Variants in FBLN7 observed in about 807,000 individuals in gnomAD.
The protein encoded by FBLN7 is fibulin-7.
FBLN7 carries 31 observed loss-of-function variants against 44.0 expected under a neutral mutation model. The ratio of observed to expected loss-of-function variants is 0.70; its 90% CI spans 0.53 to 0.95. The LOEUF (loss-of-function observed/expected upper bound fraction) is 0.95. Ranked by LOEUF, FBLN7 falls within the 40% of genes least tolerant of loss-of-function variation. The pLI, the probability that FBLN7 is intolerant of heterozygous loss-of-function variation, is 0.00. For synonymous variants in FBLN7, 262 were observed against 253.4 expected (o/e 1.03, Z -0.32); for missense variants, 573 against 618.5 (o/e 0.93, Z 0.78).
the FBLN7 span, among the ~76,000 whole-genome samples, chr2:112,224,557 T>C: frequency 6.6e-6 from 1 of 152,200 alleles, no homozygotes; most frequent in African/African-American, 2.4e-5. Flanking sequence ...TGAACATAAA[T>C]GTTCGCTGAA....
At position 112,165,113 on chromosome 2, in the gene FBLN7, C is replaced by A. The variant is rs767227430; in HGVS notation, c.348C>A (p.Pro116=). 1 of 1,614,210 alleles carries A rather than the reference C, an allele frequency of 6.2e-7. No homozygotes were observed. Among genetic ancestry groups the A allele is most frequent in the African/African-American group, 1.3e-5 (1 of 75,044 alleles). Residue 116 remains proline (P), a synonymous_variant, in exon 3 of 8, where the codon CCC becomes CCA. Coordinates refer to ENST00000331203, the MANE Select transcript of FBLN7 (RefSeq NM_153214.3). ...TCNPGFRLVG[P]SSVVCLPNGT... ...ACCCTGGGTTCCGGCTGGTCGGGCCCAGCAGCGTGGTGTGTCTTCCCAATG... is the reference window on the plus strand; with the variant it reads ...ACCCTGGGTTCCGGCTGGTCGGGCCAAGCAGCGTGGTGTGTCTTCCCAATG...
intron 3 of FBLN7, among the ~76,000 whole-genome samples, chr2:112,171,530 C>T (rs1682458979): frequency 6.6e-6 from 1 of 151,788 alleles, no homozygotes; most frequent in Non-Finnish European, 1.5e-5. Flanking sequence ...GTAGAAAGAG[C>T]TGCCTTTTAA....
At chr2:112,172,600 T>A (rs1292002381) in intron 3 of FBLN7, among the ~76,000 whole-genome samples, 1 of 151,580 alleles carries the variant, frequency 6.6e-6, no homozygotes. Flanking sequence ...TTTTCTCAGG[T>A]ATGGAATTCA....
chr2:112,211,405 G>A, the FBLN7 span: 5 of 152,114 alleles, frequency 3.3e-5, no homozygotes, highest in African/African-American at 7.2e-5. Flanking sequence ...GGAATCTTGG[G>A]AGCCATCTTA....
the FBLN7 span, among the ~76,000 whole-genome samples, chr2:112,230,519 G>A: frequency 1.3e-5 from 2 of 152,092 alleles, no homozygotes; most frequent in Non-Finnish European, 2.9e-5. Flanking sequence ...AAAAATGAAT[G>A]ACAGCTGCAT....
At chr2:112,192,001 A>C (rs977774437), downstream of FBLN7, among the ~76,000 whole-genome samples, 1 of 152,206 alleles carries the variant, frequency 6.6e-6, no homozygotes, top group African/African-American at 2.4e-5. Context: ...TAAACAAATG[A>C]TAAATGATAG....
chr2:112,198,627 T>C, the FBLN7 span, among the ~76,000 whole-genome samples: 5 of 134,350 alleles, frequency 3.7e-5, no homozygotes, highest in African/African-American at 9.2e-5. Context: ...CAGAGTGAGA[T>C]TGTCTCAAAA....
intron 1 of FBLN7, among the ~76,000 whole-genome samples, chr2:112,149,720 A>G (rs1681059620): frequency 6.6e-6 from 1 of 152,222 alleles, no homozygotes; most frequent in Non-Finnish European, 1.5e-5. Context: ...GAAACCTAAA[A>G]TAAGGACACG....
rs1215216733 is a variant in FBLN7, at chr2:112,159,733, A to G, written c.133A>G (p.Lys45Glu). 1 of 1,590,656 alleles carries G rather than the reference A, an allele frequency of 6.3e-7. No homozygotes were observed. Among genetic ancestry groups the G allele is most frequent in the Non-Finnish European group, 8.6e-7 (1 of 1,168,566 alleles). ...SAIRQLQQLL[K>E]GQETRFAEGI... ...CATCCGCCAGCTGCAGCAGCTGCTG[A>G]AGGGCCAGGAGACACGCTTCGCCGA... Residue 45 changes from lysine (K) to glutamate (E), a missense_variant, in exon 2 of 8, where the codon AAG (lysine) becomes GAG (glutamate). Transcript: ENST00000331203.
intron 7 of FBLN7, among the ~76,000 whole-genome samples, chr2:112,185,693 G>A (rs1034637512): frequency 9.2e-5 from 14 of 152,262 alleles, no homozygotes; most frequent in African/African-American, 3.4e-4. Flanking sequence ...CAGCCCAGGA[G>A]ACAGGTATAG....
chr2:112,161,363 TC>T (rs1431460148), intron 2 of FBLN7, among the ~76,000 whole-genome samples: 3 of 152,188 alleles, frequency 2.0e-5, no homozygotes, highest in African/African-American at 7.2e-5. Context: ...CGGCACTGAG[TC>T]CGTTCCTGTT....
intron 2 of FBLN7, among the ~76,000 whole-genome samples, chr2:112,164,364 A>T (rs1198559130): frequency 6.6e-6 from 1 of 152,246 alleles, no homozygotes; most frequent in Non-Finnish European, 1.5e-5. Flanking sequence ...ATTCTGATGG[A>T]GAGGACTGAC....
chr2:112,160,774 A>T (rs1471510128), intron 2 of FBLN7, among the ~76,000 whole-genome samples: 1 of 39,476 alleles, frequency 2.5e-5, no homozygotes, highest in African/African-American at 1.1e-4. Context: ...GCACACGCAG[A>T]CGCACACGCA....
intron 3 of FBLN7, among the ~76,000 whole-genome samples, chr2:112,174,877 C>T (rs946439788): frequency 4.4e-4 from 67 of 151,940 alleles, no homozygotes; most frequent in African/African-American, 1.6e-3. Context: ...GCCCAGCTAA[C>T]ATGTGACCTC....
chr2:112,160,968 A>C lies in FBLN7; in HGVS notation c.235+1133A>C, dbSNP rs1681839370. Among the ~76,000 whole-genome samples the C allele has an allele frequency of 2.0e-5, 3 of 152,258 alleles. No individual in the cohort carries two copies. The South Asian group carries it at 6.2e-4, about 32-fold the overall frequency. On this transcript the variant is annotated intron_variant, in intron 2 of 7. Transcript: ENST00000331203. Reference sequence around the variant, plus strand: ...CACCCTCCAGGGAGTCCCCGTTAGTACCAGGACGGTTGGGAGGGAAGGGCT... The same window carrying C: ...CACCCTCCAGGGAGTCCCCGTTAGTCCCAGGACGGTTGGGAGGGAAGGGCT...
intron 3 of FBLN7, 119 bp downstream of exon 3, chr2:112,165,290 A>C: frequency 1.6e-6 from 2 of 1,266,472 alleles, no homozygotes; most frequent in Non-Finnish European, 2.1e-6. Context: ...TCATTCCTCA[A>C]CCACAGAACA....
rs111500984 is a variant in FBLN7, at chr2:112,153,611, T to C, written c.76-6065T>C. On this transcript the variant is annotated intron_variant, in intron 1 of 7. Coordinates refer to ENST00000331203, the MANE Select transcript of FBLN7 (RefSeq NM_153214.3). ...AGGTTCGGAGTGAGCCCAAACAGCA[T>C]GGGGGCCTGGATGGGATGAGAGGGG... is the stretch of plus-strand genomic sequence containing the variant. 6.0e-3 allele frequency among the ~76,000 whole-genome samples: 910 copies of C among 152,202 alleles called. 2 individuals carry two copies. The highest frequency in any genetic ancestry group is 9.5e-3 in the South Asian group (46 of 4,824).
rs547539097 is a variant in FBLN7 at position 112,181,770 on chromosome 2, C to G, written c.564C>G (p.Ser188=). The change falls in exon 5 of 8, where the codon TCC becomes TCG. Residue 188 remains serine, a synonymous_variant. Transcript: ENST00000331203. The part of the protein sequence containing the change: ...AAPEGSVAGD[S]AFSRAPRCAQ... ...CCGAGGGCAGCGTGGCCGGCGACTC[C>G]GCCTTCAGCCGCGCGCCGCGCTGTG... is the stretch of plus-strand genomic sequence containing the variant. 1.1e-5 allele frequency: 16 copies of G among 1,424,402 alleles called. 1 individual carries two copies. The South Asian group carries it at 2.3e-4, about 21-fold the overall frequency. 88.2% of individuals were successfully genotyped at this position (1,424,402 alleles called of 1,614,324 possible).
At chr2:112,242,493 T>C in the FBLN7 span, among the ~76,000 whole-genome samples, 1 of 152,216 alleles carries the variant, frequency 6.6e-6, no homozygotes, top group East Asian at 1.9e-4. Context: ...TGACAACATT[T>C]TGAGTGCTTC....
Sources: gnomAD v4.1 joint callset for allele counts (sites outside exome capture counted in the v4.1 genomes callset) on GRCh38, gnomAD v4.1.1 for gene constraint, MANE v1.5 for transcripts, NCBI Gene and HGNC (gene_info 2026-07-23, HGNC 2026-07-21) for gene names.